The following LPIN2 variants were observed in gnomAD, a reference collection of about 807,000 sequenced individuals.
The protein encoded by LPIN2 is lipin 2.
In LPIN2, 55 loss-of-function variants were observed where a neutral mutation model predicts 111.4. That is an observed-to-expected ratio of 0.49 (90% CI 0.40 to 0.62). The LOEUF (loss-of-function observed/expected upper bound fraction) is 0.62. LPIN2 is among the 20% of genes least tolerant of loss of function. The pLI is 0.00. For missense variants in LPIN2, 992 were observed against 1,112.1 expected (o/e 0.89, Z 1.54); for synonymous variants, 425 against 414.0 (o/e 1.03, Z -0.32).
chr18:2,948,557 T>A (rs886523132), intron 4 of LPIN2, among the ~76,000 whole-genome samples: 1 of 152,232 alleles, frequency 6.6e-6, no homozygotes, highest in African/African-American at 2.4e-5. Flanking sequence ...TGCTCTATTA[T>A]GTCTGACAAA....
At chr18:2,995,085 A>G (rs1275622521) in intron 1 of LPIN2, among the ~76,000 whole-genome samples, 1 of 152,136 alleles carries the variant, frequency 6.6e-6, no homozygotes, top group Non-Finnish European at 1.5e-5. Flanking sequence ...GTCAGGTAGG[A>G]CTGCTGTGAG....
chr18:2,921,739 A>G (rs2077056832), intron 17 of LPIN2, 92 bp from the exon 18 acceptor site: 6 of 894,926 alleles, frequency 6.7e-6, no homozygotes, highest in Non-Finnish European at 1.1e-5. Context: ...CAACCACCCA[A>G]TTTCTTCAAC....
chr18:2,958,470 C>T (rs2077658620), intron 2 of LPIN2, among the ~76,000 whole-genome samples: 1 of 152,056 alleles, frequency 6.6e-6, no homozygotes, highest in Non-Finnish European at 1.5e-5. Context: ...GGCCAGCTTT[C>T]CCTAACCCAA....
intron 5 of LPIN2, among the ~76,000 whole-genome samples, chr18:2,940,006 T>C (rs937611149): frequency 1.3e-5 from 2 of 152,188 alleles, no homozygotes; most frequent in Non-Finnish European, 2.9e-5. Flanking sequence ...CAGCCAACAG[T>C]TGACACTAAA....
intron 1 of LPIN2, among the ~76,000 whole-genome samples, chr18:2,998,581 A>C (rs1598610333): frequency 6.6e-6 from 1 of 152,284 alleles, no homozygotes; most frequent in Non-Finnish European, 1.5e-5. Context: ...TAAAGGAAAT[A>C]AAAGAGGGTG....
intron 1 of LPIN2, among the ~76,000 whole-genome samples, chr18:2,966,025 T>G (rs2143250359): frequency 6.6e-6 from 1 of 152,274 alleles, no homozygotes; most frequent in African/African-American, 2.4e-5. Flanking sequence ...AACCTCAGCC[T>G]CCTGGGCTCA....
intron 1 of LPIN2, among the ~76,000 whole-genome samples, chr18:2,962,027 C>T (rs1250133182): frequency 2.6e-5 from 4 of 152,176 alleles, no homozygotes; most frequent in Admixed American, 2.6e-4. Flanking sequence ...CCAAGTGAGT[C>T]CAAAACTGAA....
Position 2,926,681 on chromosome 18 carries a change from G to C in LPIN2, c.1793+42C>G, listed in dbSNP as rs183675423. ...ACTTAGAAGTAATGGCCCTGCTAGA[G>C]GGCCTGAGTGCTATGAGCCGGGCAG... On this transcript the variant is annotated intron_variant, in intron 13 of 19. Transcript: ENST00000677752. 1.0e-4 allele frequency: 163 copies of C among 1,565,758 alleles called. No homozygotes were observed. In the African/African-American group the frequency reaches 1.7e-3, roughly 16 times the overall value.
intron 4 of LPIN2, among the ~76,000 whole-genome samples, chr18:2,941,357 A>T (rs1477065089): frequency 1.3e-5 from 2 of 152,164 alleles, no homozygotes; most frequent in African/African-American, 4.8e-5. Context: ...TGATACCAAA[A>T]ATGACAAATG....
Position 3,009,235 on chromosome 18 carries a change from T to TA in LPIN2, c.-10+3851dup, listed in dbSNP as rs1170265647. 2.6e-5 allele frequency among the ~76,000 whole-genome samples: 4 copies of TA among 151,634 alleles called. 1 individual carries two copies. The South Asian group carries it at 6.2e-4, about 24-fold the overall frequency. On this transcript the variant is annotated intron_variant, in intron 1 of 19. Transcript: ENST00000677752. ...TAACACAGTGAAACCCTGTCTCTCC[T>TA]AAAAATACAAAAAATTAGCCAGGTG... is the stretch of plus-strand genomic sequence containing the variant.
intron 1 of LPIN2, among the ~76,000 whole-genome samples, chr18:3,002,894 T>C (rs1320565655): frequency 6.6e-6 from 1 of 152,222 alleles, no homozygotes; most frequent in Admixed American, 6.5e-5. Flanking sequence ...GCAGACCTAC[T>C]TGATTCCTCT....
At chr18:2,993,157 G>T (rs1027940487) in intron 1 of LPIN2, among the ~76,000 whole-genome samples, 8 of 147,976 alleles carry the variant, frequency 5.4e-5, no homozygotes, top group Admixed American at 4.7e-4. Context: ...GAAGAAAAAA[G>T]AAAGAAGAAA....
intron 1 of LPIN2, among the ~76,000 whole-genome samples, chr18:3,009,638 A>C (rs1264995247): frequency 6.6e-6 from 1 of 151,854 alleles, no homozygotes; most frequent in Non-Finnish European, 1.5e-5. Flanking sequence ...ACAGGGTTTC[A>C]CCACGTTGGC....
intron 4 of LPIN2, chr18:2,950,703 A>G (rs1041799227): frequency 1.2e-5 from 4 of 323,112 alleles, no homozygotes; most frequent in Non-Finnish European, 2.3e-5. Flanking sequence ...TACCAAGCCT[A>G]AGGCCACTGG....
Position 2,939,586 on chromosome 18 carries a change from G to A in LPIN2, c.716C>T (p.Ala239Val), listed in dbSNP as rs201570689. 5.0e-6 allele frequency: 8 copies of A among 1,613,354 alleles called. No individual in the cohort carries two copies. The highest frequency in any genetic ancestry group is 1.1e-5 in the South Asian group (1 of 91,078). ...CAGCTCTGAATCACTCTTAGGACAC[G>A]CTGTCTGGGGATAGGTGCTGCAAAG... ...SPLETTYPQT[A>V]CPKSDSELEV... Residue 239 changes from alanine (A) to valine (V), a missense_variant, in exon 6 of 20, where the codon GCG becomes GTG. Transcript: ENST00000677752.
intron 1 of LPIN2, among the ~76,000 whole-genome samples, chr18:2,980,276 G>A (rs1380507637): frequency 6.6e-6 from 1 of 152,134 alleles, no homozygotes; most frequent in Non-Finnish European, 1.5e-5. Flanking sequence ...GACAGGCATA[G>A]CAACATTATT....
intron 1 of LPIN2, chr18:2,967,572 T>C (rs1403018353): frequency 1.3e-5 from 2 of 152,168 alleles, no homozygotes; most frequent in African/African-American, 4.8e-5. Flanking sequence ...ACATTTACAG[T>C]GTGCCCACCA....
At chr18:2,990,668 A>ACCTC (rs1376418047) in intron 1 of LPIN2, 2 of 254,640 alleles carry the variant, frequency 7.9e-6, no homozygotes, top group Non-Finnish European at 1.6e-5. Context: ...TGCAACACAC[A>ACCTC]CCTCATCCAT....
intron 1 of LPIN2, among the ~76,000 whole-genome samples, chr18:2,961,631 G>C (rs1044622378): frequency 6.6e-6 from 1 of 152,116 alleles, no homozygotes; most frequent in Non-Finnish European, 1.5e-5. Flanking sequence ...CTAAAGCCAG[G>C]GGTGGCTTTA....
Sources: allele counts gnomAD v4.1 joint callset (sites outside exome capture counted in the v4.1 genomes callset), GRCh38; gene constraint gnomAD v4.1.1; transcripts MANE v1.5; gene names NCBI Gene and HGNC (gene_info 2026-07-23, HGNC 2026-07-21).